The following CCDC148 variants were observed in gnomAD, a reference collection of about 807,000 sequenced individuals.
The protein encoded by CCDC148 is coiled-coil domain-containing protein 148.
A neutral mutation model predicts 85.7 loss-of-function variants in CCDC148; 89 were observed. That is an observed-to-expected ratio of 1.04 (90% CI 0.87 to 1.24). The LOEUF is 1.24. CCDC148 is among the 50% of genes most tolerant of loss of function. CCDC148 has a pLI of 0.00. For missense variants in CCDC148, 692 were observed against 671.7 expected (o/e 1.03, Z -0.33); for synonymous variants, 230 against 213.9 (o/e 1.08, Z -0.66).
intron 3 of CCDC148, among the ~76,000 whole-genome samples, chr2:158,343,981 C>T (rs769188225): frequency 6.6e-6 from 1 of 151,956 alleles, no homozygotes; most frequent in African/African-American, 2.4e-5. Flanking sequence ...ATGTATACAC[C>T]TCTTCTACAT....
chr2:158,413,504 A>G (rs939272878), intron 1 of CCDC148, among the ~76,000 whole-genome samples: 1 of 152,170 alleles, frequency 6.6e-6, no homozygotes, highest in Non-Finnish European at 1.5e-5. Flanking sequence ...CATATAAATA[A>G]GCCCAGCTGT....
intron 10 of CCDC148, chr2:158,235,916 G>T (rs762853517): frequency 6.6e-6 from 1 of 152,258 alleles, no homozygotes; most frequent in Non-Finnish European, 1.5e-5. Context: ...TGCAGGGCAA[G>T]GAGCTGCAGA....
intron 1 of CCDC148, among the ~76,000 whole-genome samples, chr2:158,416,096 A>G (rs1025105808): frequency 1.3e-5 from 2 of 152,194 alleles, no homozygotes; most frequent in African/African-American, 4.8e-5. Context: ...CTTGTGGCTT[A>G]CACCCTCTGG....
chr2:158,301,424 G>C (rs1251633956), intron 9 of CCDC148, among the ~76,000 whole-genome samples: 1 of 152,220 alleles, frequency 6.6e-6, no homozygotes, highest in Non-Finnish European at 1.5e-5. Context: ...CACTGAATTT[G>C]AGGCATTCAG....
At chr2:158,180,595 G>A (rs1170850223) in intron 11 of CCDC148, among the ~76,000 whole-genome samples, 2 of 152,224 alleles carry the variant, frequency 1.3e-5, no homozygotes, top group East Asian at 1.9e-4. Flanking sequence ...ACCTAGTCAT[G>A]GAGGCCACGA....
At chr2:158,176,408 T>C (rs933411431) in intron 13 of CCDC148, 113 bp downstream of exon 13, 5 of 984,222 alleles carry the variant, frequency 5.1e-6, no homozygotes, top group Non-Finnish European at 7.3e-6. Context: ...TATGCTAATA[T>C]GTAAGATATT....
chr2:158,251,811 T>C (rs1193141060), intron 9 of CCDC148, among the ~76,000 whole-genome samples: 2 of 151,798 alleles, frequency 1.3e-5, no homozygotes, highest in Non-Finnish European at 3.0e-5. Context: ...ATGTAAAATA[T>C]CAACTATGTA....
chr2:158,219,246 CT>C (rs1328811781), intron 11 of CCDC148, among the ~76,000 whole-genome samples: 25 of 152,260 alleles, frequency 1.6e-4, no homozygotes, highest in African/African-American at 5.5e-4. Context: ...AGGAAATTTA[CT>C]ATGATTTATG....
intron 7 of CCDC148, among the ~76,000 whole-genome samples, chr2:158,332,971 C>CA (rs910403999): frequency 4.6e-5 from 7 of 151,214 alleles, no homozygotes; most frequent in African/African-American, 1.5e-4. Flanking sequence ...TTAATCTTTT[C>CA]AAAAAAAGCA....
chr2:158,192,898 C>G lies in CCDC148; in HGVS notation c.1371-13902G>C, dbSNP rs143124369. On this transcript the variant is annotated intron_variant, in intron 11 of 13. Transcript: ENST00000283233. ...AAGGCTATTTTATTTTCTCTAAAAG[C>G]AATAAGCTTATGTCCAAAAGATTAT... Among the ~76,000 whole-genome samples, 9 of 151,634 alleles carry G rather than the reference C, an allele frequency of 5.9e-5. No homozygotes were observed. The East Asian group carries it at 7.8e-4, about 13-fold the overall frequency.
intron 1 of CCDC148, among the ~76,000 whole-genome samples, chr2:158,411,184 T>C (rs1006008072): frequency 6.6e-6 from 1 of 152,144 alleles, no homozygotes; most frequent in Non-Finnish European, 1.5e-5. Flanking sequence ...ATCAAGCTAT[T>C]TGGAGTCCTT....
chr2:158,206,849 T>G (rs1325497331), intron 11 of CCDC148, among the ~76,000 whole-genome samples: 1 of 152,176 alleles, frequency 6.6e-6, no homozygotes, highest in Non-Finnish European at 1.5e-5. Context: ...TGTATCAGTC[T>G]TCTTCCCCAG....
At chr2:158,194,195 T>G (rs537996618) in intron 11 of CCDC148, among the ~76,000 whole-genome samples, 1 of 152,140 alleles carries the variant, frequency 6.6e-6, no homozygotes, top group Admixed American at 6.6e-5. Flanking sequence ...TAATAAAAAT[T>G]TCTACCCTCC....
At chr2:158,275,474 T>G (rs2105167027) in intron 9 of CCDC148, among the ~76,000 whole-genome samples, 1 of 152,298 alleles carries the variant, frequency 6.6e-6, no homozygotes, top group East Asian at 1.9e-4. Context: ...ATAATTAGGT[T>G]TTTCCTTTCT....
chr2:158,345,168 A>T, intron 3 of CCDC148, 47 bp downstream of exon 3: 4 of 1,275,522 alleles, frequency 3.1e-6, no homozygotes, highest in Non-Finnish European at 4.5e-6. Flanking sequence ...GATAAGTGCT[A>T]TTCCTAGTAA....
chr2:158,236,453 T>C (rs545570360), intron 10 of CCDC148, among the ~76,000 whole-genome samples: 64 of 152,328 alleles, frequency 4.2e-4, no homozygotes, highest in African/African-American at 1.5e-3. Flanking sequence ...ATGGCTGAAA[T>C]GAATTTGCCT....
intron 11 of CCDC148, among the ~76,000 whole-genome samples, chr2:158,211,535 A>G (rs919039417): frequency 1.3e-5 from 2 of 152,254 alleles, no homozygotes; most frequent in Non-Finnish European, 2.9e-5. Context: ...AGTAAATGCA[A>G]CAGACAGATC....
intron 1 of CCDC148, among the ~76,000 whole-genome samples, chr2:158,384,593 GC>G (rs1685009645): frequency 1.3e-5 from 2 of 152,124 alleles, no homozygotes; most frequent in African/African-American, 4.8e-5. Context: ...ACCTGAGGCT[GC>G]CCCAGCCATG....
At chr2:158,282,734 C>T (rs1368044412) in intron 9 of CCDC148, among the ~76,000 whole-genome samples, 1 of 152,160 alleles carries the variant, frequency 6.6e-6, no homozygotes, top group African/African-American at 2.4e-5. Flanking sequence ...ATGCCATCCC[C>T]ATCAAGCTAC....
Sources: gnomAD v4.1 joint callset for allele counts (sites outside exome capture counted in the v4.1 genomes callset) on GRCh38, gnomAD v4.1.1 for gene constraint, MANE v1.5 for transcripts, NCBI Gene and HGNC (gene_info 2026-07-23, HGNC 2026-07-21) for gene names.